CPQ: variants seen among roughly 807,000 people sequenced by gnomAD.
CPQ encodes Ser-Met dipeptidase.
In CPQ, 37 loss-of-function variants were observed where a neutral mutation model predicts 45.7. That is an observed-to-expected ratio of 0.81 (90% CI 0.62 to 1.07). The LOEUF (loss-of-function observed/expected upper bound fraction) is 1.07, where lower values mean the gene tolerates loss of function less well. Among genes scored for constraint, CPQ ranks in the 50% least tolerant of loss-of-function variants. The pLI is 0.00. For missense variants in CPQ, 537 were observed against 572.9 expected (o/e 0.94, Z 0.64); for synonymous variants, 186 against 205.8 (o/e 0.90, Z 0.82).
At chr8:96,663,315 T>G (rs1808871707) in intron 1 of CPQ, among the ~76,000 whole-genome samples, 1 of 83,368 alleles carries the variant, frequency 1.2e-5, no homozygotes, top group Non-Finnish European at 2.8e-5. Flanking sequence ...CATTTTCATC[T>G]GCATACATGA....
chr8:96,785,042 G>A lies in CPQ; in HGVS notation c.145G>A (p.Ala49Thr), dbSNP rs1158558793. 1.2e-6 allele frequency: 2 copies of A among 1,613,822 alleles called. No homozygotes were observed. Among genetic ancestry groups the A allele is most frequent in the Non-Finnish European group, 1.7e-6 (2 of 1,179,838 alleles). ...AGCCAGCTGTGGAGATGTTGCTAAA[G>A]CAATCATCAACCTAGCTGTTTATGG... ...EIASCGDVAK[A>T]IINLAVYGKA... Residue 49 changes from alanine to threonine, a missense_variant, in exon 2 of 8, where the codon GCA (alanine) becomes ACA (threonine). Physicochemically the swap from Ala to Thr is moderately conservative, Grantham distance 58 (BLOSUM62 0). Transcript: ENST00000220763.
chr8:96,716,703 T>C (rs925104486), intron 1 of CPQ, among the ~76,000 whole-genome samples: 2 of 151,274 alleles, frequency 1.3e-5, no homozygotes, highest in Non-Finnish European at 2.9e-5. Flanking sequence ...AGGTCAGGAG[T>C]TTGAGACCAG....
chr8:97,143,035 A>G lies in CPQ; in HGVS notation c.1271A>G (p.Asp424Gly). The change falls in exon 8 of 8, where the codon GAT becomes GGT. Residue 424 changes from aspartate to glycine, a missense_variant. By Grantham distance (94) the Asp-to-Gly change is moderately conservative (BLOSUM62 -1). Coordinates refer to ENST00000220763, the MANE Select transcript of CPQ (RefSeq NM_016134.4). ...TTATCCCCAGGAGCCAGTCTACTTG[A>G]TGACTTATACAAGTATTTCTTCTTC... ...QAGVPGASLL[D>G]DLYKYFFFHH... 1 of 1,613,836 alleles carries G rather than the reference A, an allele frequency of 6.2e-7. No homozygotes were observed. The highest frequency in any genetic ancestry group is 8.5e-7 in the Non-Finnish European group (1 of 1,179,808).
chr8:97,018,922 C>T (rs1809627105), intron 5 of CPQ, among the ~76,000 whole-genome samples: 2 of 152,192 alleles, frequency 1.3e-5, no homozygotes, highest in African/African-American at 4.8e-5. Context: ...CACCTAGGCA[C>T]ATTGTCCTCA....
intron 7 of CPQ, among the ~76,000 whole-genome samples, chr8:97,073,381 T>C (rs1793562534): frequency 6.6e-6 from 1 of 152,218 alleles, no homozygotes; most frequent in Admixed American, 6.5e-5. Flanking sequence ...TCCTGCGTTT[T>C]CCAATCACCA....
rs1176674891 is a variant in CPQ at position 96,695,643 on chromosome 8, C to A, written c.-35+50241C>A. ...AAAGTGGGCAAAGGACATGAACAGA[C>A]ACTTCTCAAAGGAAGACATTTATGC... On this transcript the variant is annotated intron_variant, in intron 1 of 7. Transcript: ENST00000220763. 1.1e-4 allele frequency among the ~76,000 whole-genome samples: 17 copies of A among 152,086 alleles called. No individual in the cohort carries two copies. The East Asian group carries it at 3.3e-3, about 29-fold the overall frequency.
In CPQ at chr8:97,115,581, C is replaced by T. The variant is rs138052927; in HGVS notation, c.1256-27439C>T. Among the ~76,000 whole-genome samples the T allele has an allele frequency of 4.8e-3, 729 of 152,280 alleles. 11 individuals carry two copies. The highest frequency in any genetic ancestry group is 0.017 in the African/African-American group (694 of 41,544). On this transcript the variant is annotated intron_variant, in intron 7 of 7. Coordinates refer to ENST00000220763, the MANE Select transcript of CPQ (RefSeq NM_016134.4). ...TCTGTGCCATTTTTAAATTTGTTCT[C>T]GAAATAGTTGATCAGTACCTGACTT...
chr8:97,074,272 G>A (rs1810805129), intron 7 of CPQ, among the ~76,000 whole-genome samples: 1 of 151,982 alleles, frequency 6.6e-6, no homozygotes, highest in South Asian at 2.1e-4. Context: ...ATTATTACTT[G>A]GCATATAAAA....
chr8:96,748,469 T>C (rs986690538), intron 1 of CPQ, among the ~76,000 whole-genome samples: 8 of 152,136 alleles, frequency 5.3e-5, no homozygotes, highest in Non-Finnish European at 1.0e-4. Flanking sequence ...GAAATAGCTT[T>C]ATAGTTAACT....
intron 6 of CPQ, among the ~76,000 whole-genome samples, chr8:97,031,985 C>T (rs1469581047): frequency 2.0e-5 from 3 of 152,124 alleles, no homozygotes; most frequent in Non-Finnish European, 4.4e-5. Flanking sequence ...ATAATCATTT[C>T]AAAAGTGGCT....
At chr8:96,943,731 G>A (rs1813152277) in intron 4 of CPQ, among the ~76,000 whole-genome samples, 1 of 152,150 alleles carries the variant, frequency 6.6e-6, no homozygotes. Flanking sequence ...TAACAACTGT[G>A]AGAAGTGTTG....
At chr8:96,801,265 C>T (rs1422027410) in intron 2 of CPQ, among the ~76,000 whole-genome samples, 6 of 152,096 alleles carry the variant, frequency 3.9e-5, no homozygotes, top group Non-Finnish European at 8.8e-5. Flanking sequence ...GTGTGAGCCA[C>T]CATGCTGGCC....
chr8:96,904,462 T>C (rs552923996), intron 4 of CPQ, among the ~76,000 whole-genome samples: 1 of 152,314 alleles, frequency 6.6e-6, no homozygotes, highest in African/African-American at 2.4e-5. Flanking sequence ...TTAAGAGTCA[T>C]GAGATCTGGG....
At chr8:97,117,253 GTTC>G (rs1289255240) in intron 7 of CPQ, among the ~76,000 whole-genome samples, 2 of 152,182 alleles carry the variant, frequency 1.3e-5, no homozygotes, top group Non-Finnish European at 2.9e-5. Flanking sequence ...CAGCCCTCCT[GTTC>G]TTCTCCCAGT....
chr8:97,086,112 A>G (rs1811036874), intron 7 of CPQ, among the ~76,000 whole-genome samples: 1 of 152,174 alleles, frequency 6.6e-6, no homozygotes, highest in South Asian at 2.1e-4. Context: ...ATGGGAAGGG[A>G]GCAATTTTAA....
At chr8:97,078,971 T>A (rs983505276) in intron 7 of CPQ, among the ~76,000 whole-genome samples, 22 of 152,082 alleles carry the variant, frequency 1.4e-4, no homozygotes, top group South Asian at 2.1e-4. Flanking sequence ...CTAATTTTTT[T>A]AAAATTTTTA....
intron 2 of CPQ, among the ~76,000 whole-genome samples, chr8:96,809,208 A>G (rs754137563): frequency 6.6e-6 from 1 of 152,026 alleles, no homozygotes; most frequent in Non-Finnish European, 1.5e-5. Flanking sequence ...TATTACACAT[A>G]TATTGAACTC....
At chr8:96,715,514 G>C (rs922207321) in intron 1 of CPQ, among the ~76,000 whole-genome samples, 24 of 152,132 alleles carry the variant, frequency 1.6e-4, no homozygotes, top group Non-Finnish European at 1.0e-4. Flanking sequence ...GCTGTCTATA[G>C]GTGTACCCAC....
At chr8:96,857,197 A>G (rs1811862969) in intron 3 of CPQ, among the ~76,000 whole-genome samples, 1 of 152,240 alleles carries the variant, frequency 6.6e-6, no homozygotes, top group Non-Finnish European at 1.5e-5. Context: ...AGCAGCAGAT[A>G]GTGCCTCAAG....
Sources: allele counts gnomAD v4.1 joint callset (sites outside exome capture counted in the v4.1 genomes callset), GRCh38; gene constraint gnomAD v4.1.1; transcripts MANE v1.5; gene names NCBI Gene and HGNC (gene_info 2026-07-23, HGNC 2026-07-21).